Variants in PPARGC1A observed in about 807,000 individuals in gnomAD.
The protein encoded by PPARGC1A is PPARG coactivator 1 alpha.
In PPARGC1A, 25 loss-of-function variants were observed where a neutral mutation model predicts 88.7. The observed-to-expected ratio is 0.28, with a 90% CI of 0.21 to 0.39. The LOEUF is 0.39. Ranked by LOEUF, PPARGC1A falls within the 10% of genes least tolerant of loss-of-function variation. PPARGC1A has a pLI of 1.00. For missense variants in PPARGC1A, 880 were observed against 968.7 expected (o/e 0.91, Z 1.22); for synonymous variants, 363 against 355.6 (o/e 1.02, Z -0.24).
chr4:24,238,123 G>T, the PPARGC1A span, among the ~76,000 whole-genome samples: 1 of 152,230 alleles, frequency 6.6e-6, no homozygotes, highest in Non-Finnish European at 1.5e-5. Context: ...AGTGGTTAGA[G>T]GTAAGGTTCT....
chr4:23,870,589 G>C (rs1272320022), intron 2 of PPARGC1A, among the ~76,000 whole-genome samples: 1 of 152,106 alleles, frequency 6.6e-6, no homozygotes, highest in East Asian at 1.9e-4. Flanking sequence ...TAGAACATTA[G>C]ACAACCGGAT....
At chr4:23,971,094 C>T in the PPARGC1A span, among the ~76,000 whole-genome samples, 1 of 152,064 alleles carries the variant, frequency 6.6e-6, no homozygotes. Flanking sequence ...CAAGCTAGAC[C>T]CAGGTTAATT....
the PPARGC1A span, among the ~76,000 whole-genome samples, chr4:24,456,492 G>C: frequency 6.6e-6 from 1 of 152,078 alleles, no homozygotes; most frequent in African/African-American, 2.4e-5. Context: ...CTGAAGTTGA[G>C]GATAATAAAA....
chr4:23,908,619 C>T (rs1012098995), upstream of PPARGC1A, among the ~76,000 whole-genome samples: 11 of 152,102 alleles, frequency 7.2e-5, no homozygotes, highest in East Asian at 1.9e-4. Flanking sequence ...ACTTTAGACA[C>T]GTCAAAGGGT....
the PPARGC1A span, among the ~76,000 whole-genome samples, chr4:24,387,934 G>GAAAGAAAGAAGGAAAGAA: frequency 1.1e-4 from 8 of 71,458 alleles, no homozygotes; most frequent in South Asian, 4.2e-3. Context: ...AAGAAAGAAA[G>GAAAGAAAGAAGGAAAGAA]AGAAAGAAAG....
the PPARGC1A span, among the ~76,000 whole-genome samples, chr4:23,991,547 T>G: frequency 6.6e-6 from 1 of 151,928 alleles, no homozygotes; most frequent in South Asian, 2.1e-4. Flanking sequence ...AAAAGCTGGG[T>G]GGCTGAGGCA....
intron 2 of PPARGC1A, among the ~76,000 whole-genome samples, chr4:23,873,205 AAAAATAAAAAATAAAAAAT>A (rs1713891322): frequency 4.3e-5 from 6 of 138,798 alleles, no homozygotes; most frequent in African/African-American, 1.3e-4. Flanking sequence ...CTCAAAAATA[AAAAATAAAAAATAAAAAAT>A]AAAGAAAAAA....
At chr4:24,291,435 T>C in the PPARGC1A span, among the ~76,000 whole-genome samples, 2 of 146,202 alleles carry the variant, frequency 1.4e-5, no homozygotes, top group Admixed American at 7.0e-5. Flanking sequence ...CATTGAACAA[T>C]GAATCATAGC....
At chr4:24,385,200 C>G in the PPARGC1A span, among the ~76,000 whole-genome samples, 1 of 152,082 alleles carries the variant, frequency 6.6e-6, no homozygotes, top group Non-Finnish European at 1.5e-5. Flanking sequence ...CCAATGAGAA[C>G]AGAGACACAA....
the PPARGC1A span, among the ~76,000 whole-genome samples, chr4:24,274,455 A>G: frequency 6.6e-6 from 1 of 152,174 alleles, no homozygotes; most frequent in Non-Finnish European, 1.5e-5. Context: ...CTTCGTCGCT[A>G]CTCAGTTCTG....
chr4:24,443,226 T>G, the PPARGC1A span, among the ~76,000 whole-genome samples: 4 of 150,754 alleles, frequency 2.7e-5, no homozygotes, highest in Non-Finnish European at 5.9e-5. Flanking sequence ...AGTTTTAACG[T>G]CACTATTTTA....
At chr4:24,425,242 G>A in the PPARGC1A span, among the ~76,000 whole-genome samples, 1 of 152,070 alleles carries the variant, frequency 6.6e-6, no homozygotes, top group African/African-American at 2.4e-5. Flanking sequence ...AAATATCACG[G>A]GCCATAATTA....
chr4:23,879,623 C>A (rs1402218361), intron 2 of PPARGC1A, among the ~76,000 whole-genome samples: 1 of 152,162 alleles, frequency 6.6e-6, no homozygotes. Flanking sequence ...CTGAATGCCA[C>A]CCCCTCTGCT....
the PPARGC1A span, among the ~76,000 whole-genome samples, chr4:24,096,451 G>C: frequency 6.6e-6 from 1 of 152,144 alleles, no homozygotes; most frequent in Non-Finnish European, 1.5e-5. Flanking sequence ...CTAGAACTGT[G>C]AGACAATACA....
At chr4:24,294,138 T>C in the PPARGC1A span, among the ~76,000 whole-genome samples, 3 of 152,268 alleles carry the variant, frequency 2.0e-5, no homozygotes, top group Non-Finnish European at 4.4e-5. Flanking sequence ...CCGAGGCTTT[T>C]GGTCAGCCTG....
chr4:23,870,935 C>T (rs28651834), intron 2 of PPARGC1A, among the ~76,000 whole-genome samples: 14,428 of 150,550 alleles, frequency 0.096, 1,739 homozygotes, highest in African/African-American at 0.28. Context: ...AAGTGGTATC[C>T]GTGTTTTTTT....
intron 12 of PPARGC1A, among the ~76,000 whole-genome samples, chr4:23,801,065 T>C (rs1718610778): frequency 6.6e-6 from 1 of 152,026 alleles, no homozygotes; most frequent in Non-Finnish European, 1.5e-5. Flanking sequence ...TGATGATATT[T>C]CTAAGTGTCT....
chr4:24,067,816 G>C, the PPARGC1A span, among the ~76,000 whole-genome samples: 1 of 152,176 alleles, frequency 6.6e-6, no homozygotes, highest in African/African-American at 2.4e-5. Context: ...GTCAGCTGCT[G>C]ATTTCTCTGA....
chr4:24,301,862 T>C, the PPARGC1A span, among the ~76,000 whole-genome samples: 2 of 152,140 alleles, frequency 1.3e-5, no homozygotes, highest in Non-Finnish European at 1.5e-5. Flanking sequence ...CCATTTAATC[T>C]AACACAGTAC....
Sources: gnomAD v4.1 joint callset for allele counts (sites outside exome capture counted in the v4.1 genomes callset) on GRCh38, gnomAD v4.1.1 for gene constraint, MANE v1.5 for transcripts, NCBI Gene and HGNC (gene_info 2026-07-23, HGNC 2026-07-21) for gene names.